Variants in IL4I1 observed in about 807,000 individuals in gnomAD.
IL4I1 encodes the protein interleukin 4 induced 1.
IL4I1 carries 24 observed loss-of-function variants against 29.7 expected under a neutral mutation model. That is an observed-to-expected ratio of 0.81 (90% confidence interval 0.59 to 1.14). The LOEUF (loss-of-function observed/expected upper bound fraction) is 1.14. Among genes scored for constraint, IL4I1 ranks in the 50% most tolerant of loss-of-function variants. The probability of loss-of-function intolerance (pLI) is 0.00; values close to 1 mark genes in which losing one functional copy is unlikely to be tolerated. For synonymous variants in IL4I1, 371 were observed against 352.5 expected, an observed-to-expected ratio of 1.05 and a Z score of -0.59; for missense variants, 686 against 785.6, an observed-to-expected ratio of 0.87 and a Z score of 1.52.
chr19:49,891,066 C>T lies in IL4I1; in HGVS notation c.678G>A (p.Val226=). The change falls in exon 7 of 8, where the codon GTG becomes GTA. Residue 226 remains valine, a synonymous_variant. Coordinates refer to ENST00000391826, the MANE Select transcript of IL4I1 (RefSeq NM_152899.2). The part of the protein sequence containing the change: ...LGEGNLSRPA[V]QLLGDVMSED... ...CGGACATCACGTCTCCCAGAAGCTG[C>T]ACGGCCGGCCGGCTCAGGTTCCCCT... 1 of 1,613,598 alleles carries T rather than the reference C, an allele frequency of 6.2e-7. No homozygotes were observed. The highest frequency in any genetic ancestry group is 2.2e-5 in the East Asian group (1 of 44,842).
At chr19:49,925,060 G>A (rs922130077) in intron 2 of IL4I1, among the ~76,000 whole-genome samples, 18 of 152,172 alleles carry the variant, frequency 1.2e-4, no homozygotes, top group African/African-American at 4.1e-4. Context: ...TCGGGAGTTC[G>A]AGACCAGCCT....
chr19:49,912,455 C>T (rs1161401565), intron 2 of IL4I1, among the ~76,000 whole-genome samples: 1 of 152,164 alleles, frequency 6.6e-6, no homozygotes, highest in East Asian at 1.9e-4. Flanking sequence ...AGGCATGAGC[C>T]ACTGCGCCCG....
intron 2 of IL4I1, chr19:49,908,453 T>C: frequency 6.2e-7 from 1 of 1,614,152 alleles, no homozygotes; most frequent in Non-Finnish European, 8.5e-7. Context: ...GATGATGTCC[T>C]TGAGATCCTG....
rs748978182 is a variant in IL4I1 at position 49,896,816 on chromosome 19, C to T, written c.-23+19G>A. 9.4e-5 allele frequency: 93 copies of T among 986,614 alleles called. No homozygotes were observed. The highest frequency in any genetic ancestry group is 1.0e-4 in the Non-Finnish European group (87 of 830,652). The allele number at this position is 986,614 out of a possible 1,614,324, so 61.1% of individuals were successfully genotyped here. A position where few individuals can be genotyped will look rare whatever the true frequency, so the allele number is the denominator to read the frequency against. ...TGGGTCCTGTCTCTCTGTCCCCCCA[C>T]CACTGGCCGTGTCACTACCTCCAGC... On this transcript the variant is annotated intron_variant, in intron 1 of 7. Transcript: ENST00000391826.
At chr19:49,915,616 C>T (rs1166446201) in intron 2 of IL4I1, among the ~76,000 whole-genome samples, 3 of 152,106 alleles carry the variant, frequency 2.0e-5, no homozygotes, top group Non-Finnish European at 4.4e-5. Flanking sequence ...GGTTGAGGGA[C>T]GATGGAGAAA....
chr19:49,889,881 A>C lies in IL4I1; in HGVS notation c.1493T>G (p.Leu498Arg). The part of the protein sequence containing the change: ...GWVETAVKSA[L>R]RAAIKINSRK... Reference sequence around the variant, plus strand: ...GCTGTTGATCTTGATGGCGGCGCGCAGCGCCGACTTGACCGCCGTCTCCAC... The same window carrying C: ...GCTGTTGATCTTGATGGCGGCGCGCCGCGCCGACTTGACCGCCGTCTCCAC... The change falls in exon 8 of 8, where the codon CTG (leucine) becomes CGG (arginine). Residue 498 changes from leucine to arginine, a missense_variant. Coordinates refer to ENST00000391826, the MANE Select transcript of IL4I1 (RefSeq NM_152899.2). The C allele has an allele frequency of 6.2e-7, 1 of 1,602,902 alleles. No individual in the cohort carries two copies.
At chr19:49,912,983 C>CT (rs1485173367) in intron 2 of IL4I1, 2 of 150,058 alleles carry the variant, frequency 1.3e-5, no homozygotes, top group African/African-American at 4.9e-5. Context: ...GCCACGGTCC[C>CT]TGCCCTCAAG....
intron 2 of IL4I1, among the ~76,000 whole-genome samples, chr19:49,914,745 T>TTTTTG: frequency 7.6e-6 from 1 of 131,566 alleles, no homozygotes; most frequent in African/African-American, 2.8e-5. Context: ...TTTTTTTTTT[T>TTTTTG]TTTTTTTTTT....
intron 5 of IL4I1, among the ~76,000 whole-genome samples, chr19:49,892,313 C>T (rs1354715671): frequency 1.3e-5 from 2 of 152,050 alleles, no homozygotes; most frequent in African/African-American, 4.8e-5. Context: ...AACTCCTGAC[C>T]TCAAGTGATC....
At chr19:49,907,701 A>G (rs3859440) in intron 2 of IL4I1, 11,736 of 344,184 alleles carry the variant, frequency 0.034, 762 homozygotes, top group Admixed American at 0.13. Context: ...ACACCTGACT[A>G]ATTTTTGTAT....
At chr19:49,926,281 G>A (rs918381908) in intron 2 of IL4I1, among the ~76,000 whole-genome samples, 1 of 148,438 alleles carries the variant, frequency 6.7e-6, no homozygotes, top group Non-Finnish European at 1.5e-5. Context: ...GTAAATCCCA[G>A]CATTTTGGGA....
At chr19:49,928,502 G>A (rs1354537403) in intron 1 of IL4I1, 1 of 146,302 alleles carries the variant, frequency 6.8e-6, no homozygotes, top group Admixed American at 6.9e-5. Context: ...GGGCGACAGA[G>A]ACGGAGAGAC....
chr19:49,928,125 G>A (rs1288932551), intron 1 of IL4I1: 2 of 152,292 alleles, frequency 1.3e-5, no homozygotes, highest in East Asian at 1.9e-4. Context: ...AGGGATGAGG[G>A]AGACAGAAGA....
At chr19:49,927,286 C>T (rs889789156) in intron 2 of IL4I1, among the ~76,000 whole-genome samples, 1 of 152,128 alleles carries the variant, frequency 6.6e-6, no homozygotes, top group Non-Finnish European at 1.5e-5. Context: ...TATAATCTGG[C>T]TCCAGAGTCT....
rs567428123 is a variant in IL4I1, at chr19:49,889,858, T to A, written c.1516A>T (p.Ser506Cys). The change falls in exon 8 of 8, where the codon AGC becomes TGC. Residue 506 changes from serine (S) to cysteine (C), a missense_variant. Coordinates refer to ENST00000391826, the MANE Select transcript of IL4I1 (RefSeq NM_152899.2). ...SALRAAIKIN[S>C]RKGPASDTAS... is the part of the protein sequence containing the mutation. ...GTGTCCGATGCAGGCCCCTTCCGGCTGTTGATCTTGATGGCGGCGCGCAGC... is the reference window on the plus strand; with the variant it reads ...GTGTCCGATGCAGGCCCCTTCCGGCAGTTGATCTTGATGGCGGCGCGCAGC... 6.3e-7 allele frequency: 1 copy of A among 1,594,506 alleles called. No homozygotes were observed. The highest frequency in any genetic ancestry group is 2.2e-5 in the East Asian group (1 of 44,604).
At chr19:49,904,318 C>T (rs2075296596) in exon 3 of IL4I1, 1 of 152,210 alleles carries the variant, frequency 6.6e-6, no homozygotes, top group South Asian at 2.1e-4. Context: ...TGTGTATTTT[C>T]TTCCTGGAAA....
At chr19:49,901,310 G>T (rs112227805), upstream of IL4I1, among the ~76,000 whole-genome samples, 159 of 152,220 alleles carry the variant, frequency 1.0e-3, no homozygotes, top group Non-Finnish European at 1.4e-3. Flanking sequence ...CTCGAGCCTG[G>T]GAGGCAGAGG....
intron 3 of IL4I1, among the ~76,000 whole-genome samples, chr19:49,903,908 C>T (rs553798204): frequency 3.1e-5 from 4 of 128,662 alleles, no homozygotes; most frequent in South Asian, 2.7e-4. Flanking sequence ...GGTACGATCT[C>T]GGCTCACTGC....
chr19:49,912,255 C>T (rs920169466), intron 2 of IL4I1, among the ~76,000 whole-genome samples: 13 of 151,182 alleles, frequency 8.6e-5, no homozygotes, highest in Non-Finnish European at 1.2e-4. Context: ...CTGCAACCTC[C>T]GCTTCCCGGG....
Sources: gnomAD v4.1 joint callset for allele counts (sites outside exome capture counted in the v4.1 genomes callset) on GRCh38, gnomAD v4.1.1 for gene constraint, MANE v1.5 for transcripts, NCBI Gene and HGNC (gene_info 2026-07-23, HGNC 2026-07-21) for gene names.